The following GARS1 variants were observed in gnomAD, a reference collection of about 807,000 sequenced individuals.
The protein encoded by GARS1 is glycine--tRNA ligase.
In GARS1, 46 loss-of-function variants were observed where a neutral mutation model predicts 86.4. The observed-to-expected ratio is 0.53, with a 90% confidence interval of 0.42 to 0.68. The LOEUF (loss-of-function observed/expected upper bound fraction) is 0.68. Ranked by LOEUF, GARS1 falls within the 30% of genes least tolerant of loss-of-function variation. The probability of loss-of-function intolerance (pLI) is 0.00; values close to 1 mark genes in which losing one functional copy is unlikely to be tolerated. For synonymous variants in GARS1, 342 were observed against 329.8 expected (o/e 1.04, Z -0.40); for missense variants, 797 against 915.6 (o/e 0.87, Z 1.67).
rs969393383 is a variant in GARS1, at chr7:30,633,592, C to T, written c.2095-143C>T. 170 of 903,650 alleles carry T rather than the reference C, an allele frequency of 1.9e-4. 2 individuals are homozygous for T. The South Asian group carries it at 2.0e-3, about 10-fold the overall frequency. 56.0% of individuals were successfully genotyped at this position (903,650 alleles called of 1,614,324 possible). The stretch of plus-strand genomic sequence containing the variant: ...TGAGTTGTCTGGGGGAACTGGTGGG[C>T]GTTTTGGGCTAGAAGAGCATGAACC... On this transcript the variant is annotated intron_variant, in intron 16 of 16. Coordinates refer to ENST00000389266, the MANE Select transcript of GARS1 (RefSeq NM_002047.4).
Position 30,612,261 on chromosome 7 carries a change from C to T in GARS1, c.1031+16C>T, listed in dbSNP as rs1782772001. 9 of 1,612,090 alleles carry T rather than the reference C, an allele frequency of 5.6e-6. No individual in the cohort carries two copies. The highest frequency in any genetic ancestry group is 7.6e-6 in the Non-Finnish European group (9 of 1,178,274). ...TCAGAGTCAGGTACTGCTCAGGTTA[C>T]TCTTACAAATTAGTGAATGACCTTG... On this transcript the variant is annotated intron_variant, in intron 8 of 16. Transcript: ENST00000389266.
At chr7:30,616,155 T>C in intron 9 of GARS1, 97 bp downstream of exon 9, 5 of 1,370,250 alleles carry the variant, frequency 3.6e-6, no homozygotes, top group Non-Finnish European at 5.2e-6. Context: ...ATATTTTATT[T>C]TGGCAGTCAT....
At position 30,633,944 on chromosome 7, in the gene GARS1, G is replaced by A. The variant is rs942487563; in HGVS notation, c.*84G>A. The A allele has an allele frequency of 4.1e-5, 63 of 1,518,886 alleles. No individual in the cohort carries two copies. In the East Asian group the frequency reaches 1.2e-3, roughly 29 times the overall value. The allele number at this position is 1,518,886 out of a possible 1,614,324, so 94.1% of individuals were successfully genotyped here. A position where few individuals can be genotyped will look rare whatever the true frequency, so the allele number is the denominator to read the frequency against. On this transcript the variant is annotated 3_prime_UTR_variant, in exon 17 of 17. Coordinates refer to ENST00000389266, the MANE Select transcript of GARS1 (RefSeq NM_002047.4). ...TATGTCCACTTTACAAAAGAAAACA[G>A]CATTGTGATTACTCCCAGGGACCGT...
rs545214381 is a variant in GARS1, at chr7:30,611,752, G to C, written c.882-344G>C. 9.3e-4 allele frequency among the ~76,000 whole-genome samples: 142 copies of C among 152,302 alleles called. 2 individuals carry two copies. In the South Asian group the frequency reaches 0.013, roughly 14 times the overall value. ...GCCCACTTCAGCCTCCCAAAGTGCT[G>C]GGATTACAGGTGTGAGCGACTGCGC... On this transcript the variant is annotated intron_variant, in intron 7 of 16. Transcript: ENST00000389266.
rs1476752544 is a variant in GARS1 at position 30,609,640 on chromosome 7, A to T, written c.791A>T (p.Lys264Ile). The T allele has an allele frequency of 1.9e-6, 3 of 1,612,934 alleles. No homozygotes were observed. Among genetic ancestry groups the T allele is most frequent in the Non-Finnish European group, 2.5e-6 (3 of 1,179,136 alleles). ...LADLFVNYNV[K>I]SPITGNDLSP... ...GATCTTTTTGTGAACTATAATGTAA[A>T]ATCTCCCATTACTGGAAATGATCTA... The change falls in exon 7 of 17, where the codon AAA becomes ATA. Residue 264 changes from lysine (K) to isoleucine (I), a missense_variant. Transcript: ENST00000389266.
intron 6 of GARS1, among the ~76,000 whole-genome samples, chr7:30,607,696 TAAA>T (rs1426524906): frequency 6.6e-6 from 1 of 152,192 alleles, no homozygotes; most frequent in Non-Finnish European, 1.5e-5. Flanking sequence ...TAAAGTATAA[TAAA>T]AAAGTTAAAA....
intron 14 of GARS1, among the ~76,000 whole-genome samples, chr7:30,630,073 C>T (rs1397844057): frequency 2.0e-5 from 3 of 152,152 alleles, no homozygotes; most frequent in Non-Finnish European, 2.9e-5. Flanking sequence ...CTGTGGGAAG[C>T]CAAAAATGTT....
chr7:30,633,764 C>G lies in GARS1; in HGVS notation c.2124C>G (p.Asp708Glu). 1 of 1,614,028 alleles carries G rather than the reference C, an allele frequency of 6.2e-7. No individual in the cohort carries two copies. The change falls in exon 17 of 17, where the codon GAC becomes GAG. Residue 708 changes from aspartate (D) to glutamate (E), a missense_variant. Around this residue, in one of 2 missense-constraint regions of GARS1, gnomAD observed 598 missense variants for 738.7 expected, o/e 0.81. Coordinates refer to ENST00000389266, the MANE Select transcript of GARS1 (RefSeq NM_002047.4). ...CTGAGCTGCCCAGCATAGTCCAAGACCTAGCCAATGGCAACATCACATGGG... is the reference window on the plus strand; with the variant it reads ...CTGAGCTGCCCAGCATAGTCCAAGAGCTAGCCAATGGCAACATCACATGGG... ...EISELPSIVQ[D>E]LANGNITWAD... is the part of the protein sequence containing the mutation.
intron 3 of GARS1, 139 bp downstream of exon 3, chr7:30,600,188 C>A (rs1791344583): frequency 2.9e-6 from 2 of 695,312 alleles, no homozygotes; most frequent in Non-Finnish European, 5.1e-6. Context: ...CTTTTGTTTG[C>A]TTGGAGTCAC....
intron 7 of GARS1, among the ~76,000 whole-genome samples, chr7:30,610,506 G>T (rs1791577328): frequency 6.6e-6 from 1 of 152,186 alleles, no homozygotes; most frequent in Non-Finnish European, 1.5e-5. Context: ...CCAGAGTAGG[G>T]ACTGAAGAAT....
intron 6 of GARS1, among the ~76,000 whole-genome samples, chr7:30,604,157 A>G (rs1791437137): frequency 6.6e-6 from 1 of 152,170 alleles, no homozygotes; most frequent in South Asian, 2.1e-4. Context: ...TACTTTCTAT[A>G]TTAGAAGTAG....
In GARS1 at chr7:30,598,835, C is replaced by G. The variant is rs201728920; in HGVS notation, c.262C>G (p.Gln88Glu). ...AAAACTCAAAGAAGATAAAGCACCC[C>G]AAGTAGACGTAGACAAAGCAGTGGC... ...VRKLKEDKAPQVDVDKAVAEL... is the reference protein window; with the variant it reads ...VRKLKEDKAPEVDVDKAVAEL... Residue 88 changes from glutamine (Q) to glutamate (E), a missense_variant, in exon 2 of 17, where the codon CAA becomes GAA. Physicochemically the swap from Gln to Glu is conservative, Grantham distance 29. Transcript: ENST00000389266. 2.2e-5 allele frequency: 35 copies of G among 1,613,964 alleles called. No homozygotes were observed. The Middle Eastern group carries it at 4.9e-4, about 23-fold the overall frequency.
intron 10 of GARS1, among the ~76,000 whole-genome samples, chr7:30,620,632 G>A (rs1384541000): frequency 2.0e-5 from 3 of 152,198 alleles, no homozygotes; most frequent in Non-Finnish European, 4.4e-5. Context: ...TCTTATGTGT[G>A]TATTTATAAG....
In GARS1 at chr7:30,595,234, C is replaced by G; in HGVS notation, c.222+91C>G. On this transcript the variant is annotated intron_variant, in intron 1 of 16. Coordinates refer to ENST00000389266, the MANE Select transcript of GARS1 (RefSeq NM_002047.4). ...CTTCCCTCCTCCCCGGGGAACTGTC[C>G]TCCTCTTCGGTTACCCCTTTCTTTC... The G allele has an allele frequency of 3.3e-6, 4 of 1,205,076 alleles. No individual in the cohort carries two copies. The South Asian group carries it at 5.2e-5, about 16-fold the overall frequency. 74.6% of individuals were successfully genotyped at this position (1,205,076 alleles called of 1,614,324 possible). A position where few individuals can be genotyped will look rare whatever the true frequency, so the allele number is the denominator to read the frequency against.
chr7:30,623,950 TA>T (rs1783071580), intron 12 of GARS1, among the ~76,000 whole-genome samples: 1 of 152,200 alleles, frequency 6.6e-6, no homozygotes, highest in African/African-American at 2.4e-5. Flanking sequence ...ACAAAATTCC[TA>T]CACCCAGCAA....
chr7:30,595,101 TGAG>T lies in GARS1; in HGVS notation c.185_187del (p.Glu62del). ...GGAGCAGCATGGACGGCGCGGGGGC[TGAG>T]GAGGTGCTGGCACCTCTGAGGCTAG... On this transcript the variant is annotated inframe_deletion, in exon 1 of 17. Transcript: ENST00000389266. The T allele has an allele frequency of 6.5e-7, 1 of 1,541,984 alleles. No homozygotes were observed. Among genetic ancestry groups the T allele is most frequent in the Non-Finnish European group, 8.7e-7 (1 of 1,149,272 alleles).
intron 11 of GARS1, 91 bp from the exon 12 acceptor site, chr7:30,622,226 T>TG: frequency 6.8e-7 from 1 of 1,478,336 alleles, no homozygotes; most frequent in Non-Finnish European, 9.4e-7. Flanking sequence ...AGAGCTGGCA[T>TG]GGTTTTAAGT....
chr7:30,627,650 G>A (rs913817630), intron 13 of GARS1, among the ~76,000 whole-genome samples: 1 of 152,190 alleles, frequency 6.6e-6, no homozygotes, highest in African/African-American at 2.4e-5. Flanking sequence ...GTGAGCCCCT[G>A]TAAGATGTCT....
intron 6 of GARS1, among the ~76,000 whole-genome samples, chr7:30,604,303 A>G (rs981899076): frequency 1.3e-5 from 2 of 152,168 alleles, no homozygotes; most frequent in Non-Finnish European, 2.9e-5. Flanking sequence ...CGTTTAGGCA[A>G]AGTACATTTC....
Sources: gnomAD v4.1 joint callset for allele counts (sites outside exome capture counted in the v4.1 genomes callset) on GRCh38, gnomAD v4.1.1 for gene constraint, gnomAD v4.1.1 regional missense constraint, MANE v1.5 for transcripts, NCBI Gene and HGNC (gene_info 2026-07-23, HGNC 2026-07-21) for gene names.